Variants in KSR2 observed in about 807,000 individuals in gnomAD.
KSR2 encodes kinase suppressor of ras 2.
A neutral mutation model predicts 107.8 loss-of-function variants in KSR2; 25 were observed. That is an observed-to-expected ratio of 0.23 (90% CI 0.17 to 0.32). The LOEUF (loss-of-function observed/expected upper bound fraction) is 0.32, where lower values mean the gene tolerates loss of function less well. Among genes scored for constraint, KSR2 ranks in the 10% least tolerant of loss-of-function variants. The pLI, the probability that KSR2 is intolerant of heterozygous loss-of-function variation, is 1.00. For synonymous variants in KSR2, 480 were observed against 507.0 expected, an observed-to-expected ratio of 0.95 and a Z score of 0.71; for missense variants, 887 against 1,268.9, an observed-to-expected ratio of 0.70 and a Z score of 4.57.
At chr12:117,860,140 C>G in intron 2 of KSR2, 151 bp downstream of exon 2, 1 of 749,300 alleles carries the variant, frequency 1.3e-6, no homozygotes, top group Non-Finnish European at 2.1e-6. Flanking sequence ...ATCAGCGATC[C>G]TGAATGTTTT....
chr12:117,611,420 A>T (rs1320451042), intron 5 of KSR2, among the ~76,000 whole-genome samples: 1 of 142,714 alleles, frequency 7.0e-6, no homozygotes, highest in African/African-American at 2.6e-5. Flanking sequence ...TGTTGTCAAT[A>T]CTTGAAAAGG....
rs895774774 is a variant in KSR2 at position 117,463,631 on chromosome 12, C to T, written c.*3568G>A. On this transcript the variant is annotated 3_prime_UTR_variant, in exon 20 of 20. Coordinates refer to ENST00000339824, the MANE Select transcript of KSR2 (RefSeq NM_173598.6). ...TCTTTTGATTTTTCCTCAATTAAAA[C>T]ATGTAAAAACCATTTGGCAGGCTGG... 8.5e-5 allele frequency: 13 copies of T among 152,174 alleles called. No homozygotes were observed. The highest frequency in any genetic ancestry group is 5.9e-4 in the Admixed American group (9 of 15,278). 9.4% of individuals were successfully genotyped at this position (152,174 alleles called of 1,614,324 possible).
chr12:117,538,039 T>A (rs920678647), intron 10 of KSR2, among the ~76,000 whole-genome samples: 41 of 152,246 alleles, frequency 2.7e-4, no homozygotes, highest in African/African-American at 9.9e-4. Context: ...GGGAGTGAAG[T>A]GGCTATTGGA....
intron 5 of KSR2, among the ~76,000 whole-genome samples, chr12:117,645,659 C>G (rs549673109): frequency 7.2e-6 from 1 of 138,592 alleles, no homozygotes; most frequent in Admixed American, 6.9e-5. Flanking sequence ...AGCAAAATCT[C>G]TAACTGTTTG....
Position 117,670,949 on chromosome 12 carries a change from G to A in KSR2, c.987-3291C>T, listed in dbSNP as rs192094610. On this transcript the variant is annotated intron_variant, in intron 4 of 19. Coordinates refer to ENST00000339824, the MANE Select transcript of KSR2 (RefSeq NM_173598.6). ...AATGCCCTCTCCTACCCACAGAGTC[G>A]GGGTAACTTATCATTCCCTCACCTC... Among the ~76,000 whole-genome samples the A allele has an allele frequency of 5.3e-5, 8 of 152,184 alleles. No individual in the cohort carries two copies. The East Asian group carries it at 5.8e-4, about 11-fold the overall frequency.
intron 3 of KSR2, among the ~76,000 whole-genome samples, chr12:117,775,509 A>T (rs1479376159): frequency 6.6e-6 from 1 of 152,254 alleles, no homozygotes; most frequent in East Asian, 1.9e-4. Context: ...ATTGAGAGGA[A>T]ATTACAGCTC....
intron 1 of KSR2, among the ~76,000 whole-genome samples, chr12:117,916,380 G>A (rs189766436): frequency 1.3e-5 from 2 of 151,704 alleles, no homozygotes; most frequent in Non-Finnish European, 2.9e-5. Context: ...CAGGTGATCC[G>A]CCCGCCTCAT....
rs140542794 is a variant in KSR2 at position 117,579,959 on chromosome 12, G to T, written c.1242-757C>A. On this transcript the variant is annotated intron_variant, in intron 6 of 19. Coordinates refer to ENST00000339824, the MANE Select transcript of KSR2 (RefSeq NM_173598.6). ...TGCCAGGGTGCTTTCTTCCCCAAGAGATATGAGGCAGCAGCAGGACTGGGC... is the reference window on the plus strand; with the variant it reads ...TGCCAGGGTGCTTTCTTCCCCAAGATATATGAGGCAGCAGCAGGACTGGGC... Among the ~76,000 whole-genome samples, 42 of 152,286 alleles carry T rather than the reference G, an allele frequency of 2.8e-4. No individual in the cohort carries two copies. In the East Asian group the frequency reaches 7.0e-3, roughly 25 times the overall value.
At chr12:117,469,923 A>G (rs2137112091) in intron 18 of KSR2, 128 bp from the exon 19 acceptor site, 1 of 745,680 alleles carries the variant, frequency 1.3e-6, no homozygotes, top group Non-Finnish European at 2.2e-6. Flanking sequence ...TCATCCATTC[A>G]TCCATCCATC....
At chr12:117,602,976 T>C (rs1881038736) in intron 5 of KSR2, among the ~76,000 whole-genome samples, 1 of 152,176 alleles carries the variant, frequency 6.6e-6, no homozygotes, top group African/African-American at 2.4e-5. Context: ...AAATCGAGGA[T>C]GGGCACACAG....
intron 1 of KSR2, among the ~76,000 whole-genome samples, chr12:117,941,193 T>C (rs930780679): frequency 2.6e-5 from 4 of 152,034 alleles, no homozygotes; most frequent in Non-Finnish European, 4.4e-5. Flanking sequence ...ACCTGACATC[T>C]CTAAATGGAT....
chr12:117,509,953 C>A (rs1873927567), intron 14 of KSR2, among the ~76,000 whole-genome samples: 1 of 152,164 alleles, frequency 6.6e-6, no homozygotes, highest in Non-Finnish European at 1.5e-5. Context: ...GACAAGAGGG[C>A]TGGGGAGAAG....
At chr12:117,917,062 A>T (rs1417471767) in intron 1 of KSR2, among the ~76,000 whole-genome samples, 1 of 152,070 alleles carries the variant, frequency 6.6e-6, no homozygotes, top group East Asian at 1.9e-4. Context: ...AGCATCCCTG[A>T]CCTTTACCCA....
chr12:117,805,761 C>T (rs1890987920), intron 3 of KSR2, among the ~76,000 whole-genome samples: 1 of 152,166 alleles, frequency 6.6e-6, no homozygotes. Context: ...GCGGGCAGAT[C>T]ACTTGAGGTC....
intron 3 of KSR2, among the ~76,000 whole-genome samples, chr12:117,776,075 C>T (rs185191407): frequency 7.7e-4 from 117 of 151,594 alleles, no homozygotes; most frequent in African/African-American, 2.7e-3. Context: ...CCCCAAAAAA[C>T]TATGGAAATA....
intron 14 of KSR2, among the ~76,000 whole-genome samples, chr12:117,487,473 G>C (rs909355921): frequency 6.6e-6 from 1 of 152,212 alleles, no homozygotes; most frequent in South Asian, 2.1e-4. Context: ...CATCCCCCAG[G>C]TTGCTGTCCC....
At chr12:117,751,702 C>T (rs1488745366) in intron 4 of KSR2, among the ~76,000 whole-genome samples, 3 of 152,172 alleles carry the variant, frequency 2.0e-5, no homozygotes, top group Non-Finnish European at 4.4e-5. Flanking sequence ...GTTGCCACAC[C>T]TGCTTAATGT....
At chr12:117,931,995 A>G (rs1271761922) in intron 1 of KSR2, among the ~76,000 whole-genome samples, 1 of 152,146 alleles carries the variant, frequency 6.6e-6, no homozygotes, top group African/African-American at 2.4e-5. Flanking sequence ...GCTATCTGAA[A>G]CTTAAACCTG....
chr12:117,593,995 G>A (rs1880484086), intron 5 of KSR2, among the ~76,000 whole-genome samples: 1 of 152,178 alleles, frequency 6.6e-6, no homozygotes. Flanking sequence ...TGGGTGTGAT[G>A]GATGGGTCTT....
Sources: allele counts gnomAD v4.1 joint callset (sites outside exome capture counted in the v4.1 genomes callset), GRCh38; gene constraint gnomAD v4.1.1; transcripts MANE v1.5; gene names NCBI Gene and HGNC (gene_info 2026-07-23, HGNC 2026-07-21).